Variants in CELA2B observed in about 807,000 individuals in gnomAD.
The protein encoded by CELA2B is chymotrypsin-like elastase family member 2B.
In CELA2B, 27 loss-of-function variants were observed where a neutral mutation model predicts 36.5. The ratio of observed to expected loss-of-function variants is 0.74; its 90% CI spans 0.55 to 1.02. CELA2B has a LOEUF of 1.02. Ranked by LOEUF, CELA2B falls within the 50% of genes least tolerant of loss-of-function variation. The pLI, the probability that CELA2B is intolerant of heterozygous loss-of-function variation, is 0.00. For synonymous variants in CELA2B, 143 were observed against 148.5 expected (o/e 0.96, Z 0.27); for missense variants, 340 against 347.8 (o/e 0.98, Z 0.18).
At chr1:15,481,680 G>A (rs1708743548) in intron 3 of CELA2B, 1 of 471,586 alleles carries the variant, frequency 2.1e-6, no homozygotes, top group Non-Finnish European at 4.4e-6. Context: ...CTGCAACGTT[G>A]TTCACTTATC....
chr1:15,483,049 A>G (rs1708761456), intron 4 of CELA2B, among the ~76,000 whole-genome samples: 1 of 152,096 alleles, frequency 6.6e-6, no homozygotes, highest in South Asian at 2.1e-4. Flanking sequence ...GGCCTCCCAA[A>G]GTGCTGGCAT....
At chr1:15,490,263 C>CT (rs1325086691) in intron 7 of CELA2B, among the ~76,000 whole-genome samples, 16 of 139,850 alleles carry the variant, frequency 1.1e-4, no homozygotes, top group East Asian at 2.3e-4. Context: ...TATCTATATA[C>CT]ACACACACAC....
intron 2 of CELA2B, 104 bp from the exon 3 acceptor site, chr1:15,480,994 G>A: frequency 6.5e-6 from 8 of 1,238,424 alleles, no homozygotes; most frequent in Non-Finnish European, 9.4e-6. Flanking sequence ...TGAGGTGAGT[G>A]CCTCACTCCC....
Position 15,482,256 on chromosome 1 carries a change from T to G in CELA2B, c.228-9T>G, listed in dbSNP as rs762538602. The G allele has an allele frequency of 2.5e-6, 4 of 1,613,678 alleles. No homozygotes were observed. In the South Asian group the frequency reaches 4.4e-5, roughly 18 times the overall value. On this transcript the variant is annotated splice_polypyrimidine_tract_variant and intron_variant, in intron 3 of 7. Transcript: ENST00000375910. ...AGGTGACCCTCTCCCTGGGACCCCT[T>G]TCTCCCAGCTCCTCCGGGATCTACC...
At chr1:15,485,783 C>G in intron 5 of CELA2B, 118 bp from the exon 6 acceptor site, 1 of 1,246,886 alleles carries the variant, frequency 8.0e-7, no homozygotes, top group South Asian at 1.3e-5. Context: ...ACAAACATGG[C>G]TGTTCCCATG....
chr1:15,476,627 A>G, intron 2 of CELA2B, 82 bp downstream of exon 2: 1 of 1,330,828 alleles, frequency 7.5e-7, no homozygotes, highest in Admixed American at 1.7e-5. Flanking sequence ...CATGGCGTCT[A>G]TTGTGCTGGC....
intron 3 of CELA2B, chr1:15,481,540 C>T (rs527250004): frequency 1.3e-4 from 69 of 518,594 alleles, no homozygotes; most frequent in Non-Finnish European, 2.4e-4. Context: ...AATACCATCA[C>T]CTGCAGAAAA....
chr1:15,487,772 TG>T (rs1708823828), intron 7 of CELA2B, among the ~76,000 whole-genome samples: 1 of 152,210 alleles, frequency 6.6e-6, no homozygotes, highest in Non-Finnish European at 1.5e-5. Flanking sequence ...GTGCTATAAA[TG>T]GGTATATGTC....
At chr1:15,482,472 C>A in intron 4 of CELA2B, 79 bp downstream of exon 4, 1 of 1,566,324 alleles carries the variant, frequency 6.4e-7, no homozygotes, top group Non-Finnish European at 8.8e-7. Flanking sequence ...AAGGTCTCAA[C>A]CCCACCACAC....
intron 2 of CELA2B, among the ~76,000 whole-genome samples, chr1:15,480,564 C>T (rs963613093): frequency 6.6e-6 from 1 of 152,120 alleles, no homozygotes; most frequent in Non-Finnish European, 1.5e-5. Context: ...TCCTTCTTCA[C>T]ACGGTGGCAG....
chr1:15,481,106 G>A lies in CELA2B; in HGVS notation c.138G>A (p.Leu46=). 8.1e-6 allele frequency: 13 copies of A among 1,612,426 alleles called. No individual in the cohort carries two copies. Among genetic ancestry groups the A allele is most frequent in the Non-Finnish European group, 1.1e-5 (13 of 1,179,992 alleles). Residue 46 remains leucine (L), a synonymous_variant, in exon 3 of 8, where the codon CTG becomes CTA. Transcript: ENST00000375910. ...CCTGTGTTTCTCCCCAGGTCTCCCT[G>A]CAGTACAGCTCCAATGGCCAGTGGT... is the stretch of plus-strand genomic sequence containing the variant. The part of the protein sequence containing the change: ...RPNSWPWQVS[L]QYSSNGQWYH...
intron 7 of CELA2B, 57 bp downstream of exon 7, chr1:15,487,494 G>A: frequency 6.3e-7 from 1 of 1,597,790 alleles, no homozygotes; most frequent in African/African-American, 1.3e-5. Flanking sequence ...CTGGCCTCGG[G>A]AGTGCCATGC....
chr1:15,487,169 C>G, intron 6 of CELA2B, 116 bp from the exon 7 acceptor site: 1 of 957,762 alleles, frequency 1.0e-6, no homozygotes, highest in Non-Finnish European at 1.6e-6. Context: ...ACCACAAGGA[C>G]CAGCTTCAGA....
At chr1:15,486,172 T>C in intron 6 of CELA2B, 126 bp downstream of exon 6, 1 of 1,216,448 alleles carries the variant, frequency 8.2e-7, no homozygotes, top group South Asian at 1.4e-5. Flanking sequence ...CCGGAAATGG[T>C]ACCAGATATA....
chr1:15,486,131 G>T, intron 6 of CELA2B, 85 bp downstream of exon 6: 1 of 1,527,500 alleles, frequency 6.5e-7, no homozygotes, highest in East Asian at 2.3e-5. Flanking sequence ...TCCCTCCATA[G>T]GTCCATCCTC....
At chr1:15,489,646 G>C (rs1708849566) in intron 7 of CELA2B, among the ~76,000 whole-genome samples, 1 of 152,182 alleles carries the variant, frequency 6.6e-6, no homozygotes, top group African/African-American at 2.4e-5. Flanking sequence ...GATAAGAGCA[G>C]AGAAGCAGAG....
chr1:15,490,806 G>T, intron 7 of CELA2B: 1 of 155,736 alleles, frequency 6.4e-6, no homozygotes, highest in Non-Finnish European at 1.4e-5. Flanking sequence ...GGAGGCAGAG[G>T]TTGCAGTGAG....
chr1:15,490,275 CATAG>C (rs1476479570), intron 7 of CELA2B, among the ~76,000 whole-genome samples: 2 of 100,700 alleles, frequency 2.0e-5, no homozygotes, highest in Non-Finnish European at 2.3e-5. Context: ...CACACACACA[CATAG>C]ACACTGTCTT....
intron 5 of CELA2B, among the ~76,000 whole-genome samples, chr1:15,484,539 T>A (rs760222928): frequency 6.6e-6 from 1 of 152,230 alleles, no homozygotes; most frequent in African/African-American, 2.4e-5. Flanking sequence ...GACTGGCTTA[T>A]CTGTAAACAC....
Sources: gnomAD v4.1 joint callset for allele counts (sites outside exome capture counted in the v4.1 genomes callset) on GRCh38, gnomAD v4.1.1 for gene constraint, MANE v1.5 for transcripts, NCBI Gene and HGNC (gene_info 2026-07-23, HGNC 2026-07-21) for gene names.